The following KLF8 variants were observed in gnomAD, a reference collection of about 807,000 sequenced individuals.
KLF8 encodes the protein KLF transcription factor 8, also known as Krueppel-like factor 8.
KLF8 carries 10 observed loss-of-function variants against 18.2 expected under a neutral mutation model. The ratio of observed to expected loss-of-function variants is 0.55; its 90% CI spans 0.34 to 0.93. KLF8 has a LOEUF of 0.93. Among genes scored for constraint, KLF8 ranks in the 40% least tolerant of loss-of-function variants. The pLI is 0.02. For missense variants in KLF8, 264 were observed against 277.9 expected (o/e 0.95, Z 0.36); for synonymous variants, 109 against 97.3 (o/e 1.12, Z -0.71).
the KLF8 span, among the ~76,000 whole-genome samples, chrX:55,910,912 T>C: frequency 1.8e-5 from 2 of 111,809 alleles, no homozygotes; most frequent in African/African-American, 6.5e-5. Context: ...TCAAATGCAC[T>C]TGAAACTACT....
chrX:56,276,830 T>C (rs2067129083), intron 5 of KLF8, among the ~76,000 whole-genome samples: 1 of 111,657 alleles, frequency 9.0e-6, no homozygotes, highest in African/African-American at 3.3e-5. Flanking sequence ...TCCCTTTGAA[T>C]ATTTCTACCC....
At chrX:56,121,692 C>T in the KLF8 span, among the ~76,000 whole-genome samples, 1 of 112,442 alleles carries the variant, frequency 8.9e-6, no homozygotes, top group Non-Finnish European at 1.9e-5. Context: ...AGGCTACTTG[C>T]CACAGCCAGG....
At chrX:56,270,130 T>C (rs2067032072) in intron 4 of KLF8, 52 bp from the exon 5 acceptor site, 1 of 1,122,449 alleles carries the variant, frequency 8.9e-7, no homozygotes, top group Admixed American at 2.7e-5. Flanking sequence ...TTCATTTTTT[T>C]AGCCTTCACT....
At chrX:56,139,151 G>T in the KLF8 span, among the ~76,000 whole-genome samples, 3 of 111,620 alleles carry the variant, frequency 2.7e-5, no homozygotes, top group African/African-American at 9.8e-5. Flanking sequence ...AAAGAAATCA[G>T]CAACAAGACA....
chrX:56,135,750 G>A, the KLF8 span, among the ~76,000 whole-genome samples: 1 of 111,579 alleles, frequency 9.0e-6, no homozygotes, highest in African/African-American at 3.3e-5. Flanking sequence ...TGGAAATTCA[G>A]CAACCTGCTA....
chrX:56,068,864 A>T, the KLF8 span, among the ~76,000 whole-genome samples: 1 of 112,151 alleles, frequency 8.9e-6, no homozygotes, highest in Non-Finnish European at 1.9e-5. Context: ...ACTGATAGCC[A>T]TGCAGGTAAT....
the KLF8 span, among the ~76,000 whole-genome samples, chrX:55,953,631 G>A: frequency 9.0e-6 from 1 of 111,144 alleles, no homozygotes; most frequent in Non-Finnish European, 1.9e-5. Flanking sequence ...TAGACATATA[G>A]ATAAGTGGAA....
intron 1 of KLF8, among the ~76,000 whole-genome samples, chrX:56,242,047 G>A (rs1035975447): frequency 3.6e-5 from 4 of 112,160 alleles, no homozygotes; most frequent in Non-Finnish European, 7.5e-5. Flanking sequence ...TAAAATGCAG[G>A]CCTGGAGTTT....
chrX:56,077,677 A>G, the KLF8 span, among the ~76,000 whole-genome samples: 1 of 111,864 alleles, frequency 8.9e-6, no homozygotes, highest in Non-Finnish European at 1.9e-5. Flanking sequence ...AATTCTGTGA[A>G]GAAAGTCATT....
chrX:56,152,701 C>A, the KLF8 span, among the ~76,000 whole-genome samples: 1 of 111,575 alleles, frequency 9.0e-6, no homozygotes, highest in East Asian at 2.8e-4. Flanking sequence ...ATTTTTTACT[C>A]TTTCTAGCAC....
the KLF8 span, among the ~76,000 whole-genome samples, chrX:56,153,949 G>T: frequency 9.0e-6 from 1 of 111,410 alleles, no homozygotes; most frequent in Non-Finnish European, 1.9e-5. Context: ...ACAAATGGAA[G>T]AACATTCCAT....
chrX:56,186,968 A>G, the KLF8 span, among the ~76,000 whole-genome samples: 5 of 111,826 alleles, frequency 4.5e-5, no homozygotes, highest in Non-Finnish European at 9.4e-5. Flanking sequence ...TAAAAGAACT[A>G]GAGAAGCAAC....
chrX:55,939,076 T>C, the KLF8 span, among the ~76,000 whole-genome samples: 1 of 111,898 alleles, frequency 8.9e-6, no homozygotes, highest in African/African-American at 3.3e-5. Flanking sequence ...ATATACATTC[T>C]TTTCAACACC....
the KLF8 span, among the ~76,000 whole-genome samples, chrX:56,024,517 G>A: frequency 9.0e-6 from 1 of 111,539 alleles, no homozygotes; most frequent in African/African-American, 3.3e-5. Flanking sequence ...GAAGGAAGTG[G>A]CTTTAATCAG....
chrX:56,012,282 C>T, the KLF8 span, among the ~76,000 whole-genome samples: 11 of 112,058 alleles, frequency 9.8e-5, no homozygotes, highest in South Asian at 4.1e-3. Context: ...AAGTTTGCTT[C>T]ATTCCCAGGA....
the KLF8 span, among the ~76,000 whole-genome samples, chrX:56,162,523 G>C: frequency 3.0e-4 from 33 of 111,660 alleles, no homozygotes; most frequent in African/African-American, 9.8e-4. Context: ...TCAGACTGCT[G>C]TGCTGGCAAT....
the KLF8 span, among the ~76,000 whole-genome samples, chrX:56,223,016 C>T: frequency 3.5e-5 from 4 of 113,133 alleles, no homozygotes; most frequent in Non-Finnish European, 7.5e-5. Flanking sequence ...CAGCAGCAGG[C>T]TGAAGGGCTC....
chrX:55,998,180 T>C, the KLF8 span, among the ~76,000 whole-genome samples: 1 of 112,527 alleles, frequency 8.9e-6, no homozygotes, highest in African/African-American at 3.2e-5. Context: ...CCTATCTCAG[T>C]AGATGGAACG....
At chrX:56,128,171 C>G in the KLF8 span, among the ~76,000 whole-genome samples, 2 of 111,880 alleles carry the variant, frequency 1.8e-5, no homozygotes, top group African/African-American at 6.5e-5. Flanking sequence ...AAGAGTATAG[C>G]AACAGATGGA....
Sources: gnomAD v4.1 joint callset for allele counts (sites outside exome capture counted in the v4.1 genomes callset) on GRCh38, gnomAD v4.1.1 for gene constraint, MANE v1.5 for transcripts, NCBI Gene and HGNC (gene_info 2026-07-23, HGNC 2026-07-21) for gene names.